Variants in KIF16B observed in about 807,000 individuals in gnomAD.
The protein encoded by KIF16B is kinesin family member 16B, also known as kinesin-like protein KIF16B.
A neutral mutation model predicts 156.3 loss-of-function variants in KIF16B; 98 were observed. That is an observed-to-expected ratio of 0.63 (90% CI 0.53 to 0.74). KIF16B has a LOEUF of 0.74. Among genes scored for constraint, KIF16B ranks in the 30% least tolerant of loss-of-function variants. The pLI is 0.00. For missense variants in KIF16B, 1,421 were observed against 1,606.5 expected (o/e 0.88, Z 1.97); for synonymous variants, 564 against 583.7 (o/e 0.97, Z 0.49).
chr20:16,326,380 G>GA (rs2063849306), intron 24 of KIF16B, among the ~76,000 whole-genome samples: 1 of 151,128 alleles, frequency 6.6e-6, no homozygotes, highest in South Asian at 2.1e-4. Context: ...TAGAGTGGGA[G>GA]AAAATCTTTG....
intron 24 of KIF16B, among the ~76,000 whole-genome samples, chr20:16,322,555 T>C (rs1471727767): frequency 6.6e-6 from 1 of 152,056 alleles, no homozygotes; most frequent in Admixed American, 6.6e-5. Context: ...TGTATGCATA[T>C]TAGAAATATA....
intron 24 of KIF16B, among the ~76,000 whole-genome samples, chr20:16,328,167 A>G (rs2063888789): frequency 6.6e-6 from 1 of 152,020 alleles, no homozygotes; most frequent in Non-Finnish European, 1.5e-5. Flanking sequence ...CTTCCCTCCC[A>G]CTAGTATTTA....
intron 10 of KIF16B, among the ~76,000 whole-genome samples, chr20:16,498,439 A>T (rs764507707): frequency 3.9e-5 from 6 of 152,144 alleles, no homozygotes; most frequent in African/African-American, 1.4e-4. Flanking sequence ...ACTTTTTCCC[A>T]ATTTGGTTGT....
chr20:16,383,159 T>C (rs1471795424), intron 17 of KIF16B, among the ~76,000 whole-genome samples: 1 of 152,158 alleles, frequency 6.6e-6, no homozygotes, highest in Non-Finnish European at 1.5e-5. Context: ...TAGGCAGAAC[T>C]GAGTATCTCT....
At chr20:16,477,208 TA>T (rs71192337) in intron 12 of KIF16B, among the ~76,000 whole-genome samples, 50,940 of 135,978 alleles carry the variant, frequency 0.37, 10,944 homozygotes, top group African/African-American at 0.59. Flanking sequence ...TTTCTCTCCT[TA>T]AAAAAAAAAA....
chr20:16,296,345 T>C (rs115412579), intron 25 of KIF16B, among the ~76,000 whole-genome samples: 3,048 of 152,322 alleles, frequency 0.02, 103 homozygotes, highest in African/African-American at 0.068. Flanking sequence ...TGCCTTGCTT[T>C]ATCTAGGTGG....
intron 25 of KIF16B, among the ~76,000 whole-genome samples, chr20:16,275,552 G>A (rs931600056): frequency 6.6e-6 from 1 of 152,162 alleles, no homozygotes; most frequent in Admixed American, 6.5e-5. Flanking sequence ...CTATTGCCAG[G>A]AGAGGTGAGC....
At chr20:16,407,588 A>G (rs981466281) in intron 15 of KIF16B, among the ~76,000 whole-genome samples, 3 of 152,134 alleles carry the variant, frequency 2.0e-5, no homozygotes, top group Non-Finnish European at 4.4e-5. Context: ...GTAATTGCAG[A>G]GAGAGTCTAA....
intron 23 of KIF16B, among the ~76,000 whole-genome samples, chr20:16,350,020 C>G (rs2064305770): frequency 6.6e-6 from 1 of 152,228 alleles, no homozygotes; most frequent in Admixed American, 6.5e-5. Context: ...TCCTCGTTAT[C>G]ATTCATTACT....
At chr20:16,296,216 C>T (rs1464968836) in intron 25 of KIF16B, among the ~76,000 whole-genome samples, 1 of 152,206 alleles carries the variant, frequency 6.6e-6, no homozygotes, top group Non-Finnish European at 1.5e-5. Flanking sequence ...AAGCCACCTT[C>T]AGGTACAGGC....
At chr20:16,273,437 C>T in intron 25 of KIF16B, 26 bp from the exon 26 acceptor site, 1 of 1,612,254 alleles carries the variant, frequency 6.2e-7, no homozygotes, top group Non-Finnish European at 8.5e-7. Flanking sequence ...GAGTTAAGAA[C>T]ATGGTCAATT....
At chr20:16,561,154 C>T (rs1006522534) in intron 1 of KIF16B, among the ~76,000 whole-genome samples, 3 of 151,806 alleles carry the variant, frequency 2.0e-5, no homozygotes, top group East Asian at 3.9e-4. Context: ...ATTAGCTGGG[C>T]GTGGTGGCGG....
At chr20:16,502,598 A>G (rs1450683861) in intron 10 of KIF16B, among the ~76,000 whole-genome samples, 1 of 152,216 alleles carries the variant, frequency 6.6e-6, no homozygotes, top group Non-Finnish European at 1.5e-5. Context: ...ATAAGTCATA[A>G]AAGGAAAAGG....
intron 25 of KIF16B, among the ~76,000 whole-genome samples, chr20:16,305,164 A>G (rs2063523707): frequency 6.6e-6 from 1 of 152,148 alleles, no homozygotes; most frequent in African/African-American, 2.4e-5. Context: ...GCAGTTAGGA[A>G]CCGGCCTGGC....
intron 12 of KIF16B, among the ~76,000 whole-genome samples, chr20:16,442,509 C>A (rs1254532931): frequency 1.3e-5 from 2 of 151,648 alleles, no homozygotes; most frequent in African/African-American, 4.9e-5. Context: ...AAAAAAAATT[C>A]TATGACGGAA....
intron 23 of KIF16B, among the ~76,000 whole-genome samples, chr20:16,344,794 T>A (rs1477926251): frequency 6.6e-6 from 1 of 152,212 alleles, no homozygotes; most frequent in Non-Finnish European, 1.5e-5. Context: ...TTCTAGATTT[T>A]TCCATCCTTA....
intron 1 of KIF16B, among the ~76,000 whole-genome samples, chr20:16,565,311 C>CCACG (rs1215000009): frequency 6.6e-6 from 1 of 152,130 alleles, no homozygotes; most frequent in Admixed American, 6.6e-5. Flanking sequence ...GCCCATAGAG[C>CCACG]CGTGACATCA....
At chr20:16,409,966 T>TAC (rs2065881266) in intron 15 of KIF16B, among the ~76,000 whole-genome samples, 3 of 30,128 alleles carry the variant, frequency 1.0e-4, no homozygotes, top group African/African-American at 1.4e-4. Flanking sequence ...TATATATATA[T>TAC]ATACATATAT....
intron 24 of KIF16B, among the ~76,000 whole-genome samples, chr20:16,317,984 C>T (rs2122761516): frequency 6.6e-6 from 1 of 152,172 alleles, no homozygotes; most frequent in South Asian, 2.1e-4. Flanking sequence ...CTCCACAGCC[C>T]CCATGAACCA....
Sources: allele counts gnomAD v4.1 joint callset (sites outside exome capture counted in the v4.1 genomes callset), GRCh38; gene constraint gnomAD v4.1.1; transcripts MANE v1.5; gene names NCBI Gene and HGNC (gene_info 2026-07-23, HGNC 2026-07-21).